The following EYS variants were observed in gnomAD, a reference collection of about 807,000 sequenced individuals.
EYS encodes EGF-like photoreceptor maintenance factor, also known as protein eyes shut homolog.
A neutral mutation model predicts 282.1 loss-of-function variants in EYS; 250 were observed. That is an observed-to-expected ratio of 0.89 (90% CI 0.80 to 0.98). The LOEUF (loss-of-function observed/expected upper bound fraction) is 0.98, where lower values mean the gene tolerates loss of function less well. Among genes scored for constraint, EYS ranks in the 50% least tolerant of loss-of-function variants. The pLI is 0.00. For synonymous variants in EYS, 1,355 were observed against 1,282.9 expected, an observed-to-expected ratio of 1.06 and a Z score of -1.20; for missense variants, 4,016 against 3,709.0, an observed-to-expected ratio of 1.08 and a Z score of -2.15.
intron 19 of EYS, among the ~76,000 whole-genome samples, chr6:64,826,573 C>A (rs375614609): frequency 2.0e-5 from 3 of 151,194 alleles, no homozygotes; most frequent in African/African-American, 7.3e-5. Flanking sequence ...TAGAATCAAG[C>A]CATTAAAGTT....
At chr6:65,226,049 T>C (rs1766616890) in intron 12 of EYS, among the ~76,000 whole-genome samples, 1 of 151,930 alleles carries the variant, frequency 6.6e-6, no homozygotes, top group Non-Finnish European at 1.5e-5. Context: ...AAAACAAAGA[T>C]ATCTCTATTA....
chr6:63,905,335 T>C (rs916497958), intron 35 of EYS, among the ~76,000 whole-genome samples: 6 of 147,662 alleles, frequency 4.1e-5, no homozygotes, highest in Middle Eastern at 3.2e-3. Context: ...TTTTCTTTTT[T>C]TTTTTTTTTT....
At chr6:64,610,404 A>ATT (rs10536697) in intron 24 of EYS, among the ~76,000 whole-genome samples, 83 of 100,132 alleles carry the variant, frequency 8.3e-4, no homozygotes, top group Non-Finnish European at 1.1e-3. Flanking sequence ...TGTTGTAAGA[A>ATT]TTTTTTTTTT....
chr6:63,932,042 C>CCACATATGAATGTGAACATGCGGTT (rs1204642884), intron 35 of EYS, among the ~76,000 whole-genome samples: 2 of 152,030 alleles, frequency 1.3e-5, no homozygotes, highest in Non-Finnish European at 2.9e-5. Flanking sequence ...TATGTAGTTT[C>CCACATATGAATGTGAACATGCGGTT]CACATATGAA....
chr6:64,546,263 A>C (rs1240289890), intron 26 of EYS, among the ~76,000 whole-genome samples: 16 of 152,136 alleles, frequency 1.1e-4, no homozygotes, highest in Admixed American at 9.2e-4. Context: ...CAAAAACAAG[A>C]AATGGGGAAA....
intron 29 of EYS, among the ~76,000 whole-genome samples, chr6:64,333,424 G>A (rs775143373): frequency 6.6e-6 from 1 of 152,110 alleles, no homozygotes; most frequent in Non-Finnish European, 1.5e-5. Flanking sequence ...GAGCCACCAA[G>A]GCCGTAATAG....
At chr6:64,465,605 A>C (rs1412295942) in intron 26 of EYS, among the ~76,000 whole-genome samples, 1 of 152,168 alleles carries the variant, frequency 6.6e-6, no homozygotes, top group African/African-American at 2.4e-5. Context: ...AACTGAAAAG[A>C]TTAAACACTG....
chr6:63,962,411 A>C (rs1468673565), intron 35 of EYS, among the ~76,000 whole-genome samples: 2 of 152,204 alleles, frequency 1.3e-5, no homozygotes, highest in Non-Finnish European at 2.9e-5. Flanking sequence ...ACAAATTTAC[A>C]AGAAAAAAAC....
At chr6:64,422,971 T>C (rs1177318591) in intron 28 of EYS, among the ~76,000 whole-genome samples, 1 of 152,130 alleles carries the variant, frequency 6.6e-6, no homozygotes, top group Non-Finnish European at 1.5e-5. Flanking sequence ...AAATACTTTC[T>C]TTTTTATTTT....
In EYS at chr6:63,864,233, A is replaced by G; in HGVS notation, c.7181T>C (p.Ile2394Thr). 1 of 1,550,836 alleles carries G rather than the reference A, an allele frequency of 6.4e-7. No individual in the cohort carries two copies. The highest frequency in any genetic ancestry group is 8.7e-7 in the Non-Finnish European group (1 of 1,146,492). ...CCTCCCATATGGGCAGAGGCAGACAATATCTGTTCCGGATTTTGGAACACA... is the reference window on the plus strand; with the variant it reads ...CCTCCCATATGGGCAGAGGCAGACAGTATCTGTTCCGGATTTTGGAACACA... Reference protein sequence around the residue: ...ATCVPKSGTDIVCLCPYGRSG... With the variant: ...ATCVPKSGTDTVCLCPYGRSG... The change falls in exon 36 of 43, where the codon ATT becomes ACT. Residue 2394 changes from isoleucine (I) to threonine (T), a missense_variant. Coordinates refer to ENST00000503581, the MANE Select transcript of EYS (RefSeq NM_001142800.2).
intron 26 of EYS, among the ~76,000 whole-genome samples, chr6:64,501,088 T>G (rs567722711): frequency 5.5e-4 from 82 of 150,156 alleles, no homozygotes; most frequent in African/African-American, 1.6e-3. Flanking sequence ...AATTCTAGGG[T>G]TTTTTTTTAA....
At chr6:63,873,561 C>A (rs3900500) in intron 35 of EYS, among the ~76,000 whole-genome samples, 1 of 152,230 alleles carries the variant, frequency 6.6e-6, no homozygotes, top group South Asian at 2.1e-4. Context: ...AGTTCTAGAT[C>A]CTTGAGGAAT....
At chr6:64,128,171 G>A (rs1443587262) in intron 31 of EYS, among the ~76,000 whole-genome samples, 1 of 152,100 alleles carries the variant, frequency 6.6e-6, no homozygotes, top group African/African-American at 2.4e-5. Flanking sequence ...ATTGCTACAC[G>A]TTTTTACCTG....
chr6:64,837,771 T>C (rs1765432083), intron 19 of EYS, among the ~76,000 whole-genome samples: 1 of 150,096 alleles, frequency 6.7e-6, no homozygotes, highest in East Asian at 2.0e-4. Flanking sequence ...GGATACAAAA[T>C]CAACTTACCA....
chr6:64,748,897 C>T (rs994354913), intron 22 of EYS, among the ~76,000 whole-genome samples: 2 of 152,196 alleles, frequency 1.3e-5, no homozygotes, highest in African/African-American at 4.8e-5. Flanking sequence ...CCCAGCCTCC[C>T]GAGTAGCTGG....
At chr6:64,328,152 A>C (rs1419250261) in intron 29 of EYS, among the ~76,000 whole-genome samples, 1 of 152,220 alleles carries the variant, frequency 6.6e-6, no homozygotes, top group Admixed American at 6.5e-5. Flanking sequence ...AAGCTCTTAT[A>C]GATCTAATGC....
intron 10 of EYS, among the ~76,000 whole-genome samples, chr6:65,339,388 A>C (rs1770113357): frequency 6.6e-6 from 1 of 151,190 alleles, no homozygotes. Context: ...CGGTTCAAAA[A>C]TATGTTAGTA....
chr6:64,850,986 GT>G (rs1198553570), intron 19 of EYS, among the ~76,000 whole-genome samples: 1 of 152,076 alleles, frequency 6.6e-6, no homozygotes, highest in Non-Finnish European at 1.5e-5. Flanking sequence ...ATCATTAACT[GT>G]TTTAAGTTCA....
At chr6:64,802,333 T>A (rs1764271827) in intron 22 of EYS, among the ~76,000 whole-genome samples, 1 of 151,854 alleles carries the variant, frequency 6.6e-6, no homozygotes, top group Non-Finnish European at 1.5e-5. Flanking sequence ...ATTACAGGAG[T>A]GAGCCACCAC....
Sources: gnomAD v4.1 joint callset for allele counts (sites outside exome capture counted in the v4.1 genomes callset) on GRCh38, gnomAD v4.1.1 for gene constraint, MANE v1.5 for transcripts, NCBI Gene and HGNC (gene_info 2026-07-23, HGNC 2026-07-21) for gene names.